JMY: variants seen among roughly 807,000 people sequenced by gnomAD.
JMY encodes junction-mediating and -regulatory protein.
JMY carries 46 observed loss-of-function variants against 103.3 expected under a neutral mutation model. The ratio of observed to expected loss-of-function variants is 0.45; its 90% CI spans 0.35 to 0.57. JMY has a LOEUF of 0.57. Among genes scored for constraint, JMY ranks in the 20% least tolerant of loss-of-function variants. The pLI is 0.00. For synonymous variants in JMY, 526 were observed against 489.3 expected (o/e 1.07, Z -0.99); for missense variants, 1,238 against 1,255.2 (o/e 0.99, Z 0.21).
chr5:79,273,081 A>G (rs751523658), intron 1 of JMY, among the ~76,000 whole-genome samples: 3 of 152,196 alleles, frequency 2.0e-5, no homozygotes, highest in South Asian at 2.1e-4. Flanking sequence ...ACTCCTGTGT[A>G]TTTTATAGAA....
At chr5:79,315,789 C>T (rs1340006959) in intron 9 of JMY, among the ~76,000 whole-genome samples, 1 of 152,168 alleles carries the variant, frequency 6.6e-6, no homozygotes, top group East Asian at 1.9e-4. Context: ...CAACAGTACC[C>T]ACCATGGATT....
chr5:79,257,274 G>A (rs1412172127), intron 1 of JMY, among the ~76,000 whole-genome samples: 1 of 151,916 alleles, frequency 6.6e-6, no homozygotes, highest in Non-Finnish European at 1.5e-5. Flanking sequence ...GCCAGATCAG[G>A]TCCCTTCCCT....
intron 1 of JMY, among the ~76,000 whole-genome samples, chr5:79,243,205 T>G (rs142121948): frequency 3.3e-5 from 5 of 152,294 alleles, no homozygotes; most frequent in African/African-American, 1.2e-4. Context: ...GGAGGAAGTT[T>G]TGTTTAACAG....
At chr5:79,274,396 G>GT (rs1373606877) in intron 1 of JMY, among the ~76,000 whole-genome samples, 11 of 147,322 alleles carry the variant, frequency 7.5e-5, no homozygotes, top group East Asian at 3.9e-4. Context: ...TAAAAATAGT[G>GT]TTTTTTTTTG....
chr5:79,273,190 A>G (rs779686067), intron 1 of JMY, among the ~76,000 whole-genome samples: 23 of 152,102 alleles, frequency 1.5e-4, no homozygotes, highest in Non-Finnish European at 1.8e-4. Context: ...ATTTTCCTTC[A>G]ATCTGAACAC....
chr5:79,283,203 G>A (rs1746173691), intron 2 of JMY, among the ~76,000 whole-genome samples: 1 of 151,852 alleles, frequency 6.6e-6, no homozygotes, highest in South Asian at 2.1e-4. Context: ...ATGTTAGGCT[G>A]GTCTTGAACT....
chr5:79,259,913 C>G (rs1446969363), intron 1 of JMY, among the ~76,000 whole-genome samples: 1 of 152,226 alleles, frequency 6.6e-6, no homozygotes, highest in Non-Finnish European at 1.5e-5. Flanking sequence ...GGGTGGGAAT[C>G]CTGCATGCCC....
Position 79,236,339 on chromosome 5 carries a change from C to T in JMY, c.-312C>T, listed in dbSNP as rs938297832. The T allele has an allele frequency of 4.5e-6, 1 of 224,092 alleles. No homozygotes were observed. The highest frequency in any genetic ancestry group is 1.8e-4 in the South Asian group (1 of 5,588). The allele number at this position is 224,092 out of a possible 1,614,324, so 13.9% of individuals were successfully genotyped here. On this transcript the variant is annotated 5_prime_UTR_variant, in exon 1 of 11. Coordinates refer to ENST00000396137, the MANE Select transcript of JMY (RefSeq NM_152405.5). ...AGCGCCGCAGACGCAGCTCCACGGC[C>T]TCGCGCGGGGGGCGGCGGGCGGCCG...
intron 7 of JMY, among the ~76,000 whole-genome samples, chr5:79,311,792 A>G (rs1747056047): frequency 1.3e-5 from 2 of 152,132 alleles, no homozygotes; most frequent in South Asian, 4.1e-4. Flanking sequence ...ACTGCTGGTT[A>G]TATTGGTTGT....
intron 4 of JMY, among the ~76,000 whole-genome samples, chr5:79,294,242 A>G (rs1412724356): frequency 6.6e-6 from 1 of 151,882 alleles, no homozygotes; most frequent in African/African-American, 2.4e-5. Flanking sequence ...TGTCTCTACT[A>G]AAAATACAAA....
Position 79,315,716 on chromosome 5 carries a change from A to G in JMY, c.2660-284A>G, listed in dbSNP as rs577066667. 9.2e-5 allele frequency among the ~76,000 whole-genome samples: 14 copies of G among 152,330 alleles called. 1 individual carries two copies. Among genetic ancestry groups the G allele is most frequent in the Admixed American group, 4.6e-4 (7 of 15,302 alleles). On this transcript the variant is annotated intron_variant, in intron 9 of 10. Coordinates refer to ENST00000396137, the MANE Select transcript of JMY (RefSeq NM_152405.5). ...CTTTGGGAATCACACCCATAATACT[A>G]CTAAGACCACCTCCCAGTTCCCAAT...
chr5:79,323,154 G>A lies in JMY; in HGVS notation c.*1552G>A. ...TTTTATAGAGACAGGGTTTTGCCAT[G>A]TTGCCCACGCTGGTCTTGAACTCCT... On this transcript the variant is annotated 3_prime_UTR_variant, in exon 11 of 11. Coordinates refer to ENST00000396137, the MANE Select transcript of JMY (RefSeq NM_152405.5). 1 of 152,230 alleles carries A rather than the reference G, an allele frequency of 6.6e-6. No individual in the cohort carries two copies. The highest frequency in any genetic ancestry group is 1.5e-5 in the Non-Finnish European group (1 of 68,044). The allele number at this position is 152,230 out of a possible 1,614,324, so 9.4% of individuals were successfully genotyped here. A position where few individuals can be genotyped will look rare whatever the true frequency, so the allele number is the denominator to read the frequency against.
chr5:79,282,630 G>A (rs890254910), intron 2 of JMY, among the ~76,000 whole-genome samples: 2 of 152,194 alleles, frequency 1.3e-5, no homozygotes, highest in Non-Finnish European at 2.9e-5. Context: ...CTCTGTCAGA[G>A]ATTGGAATAG....
intron 7 of JMY, among the ~76,000 whole-genome samples, chr5:79,306,928 C>T (rs1268480580): frequency 6.6e-6 from 1 of 152,216 alleles, no homozygotes; most frequent in Non-Finnish European, 1.5e-5. Context: ...ATCCCTCTCT[C>T]TCCCCAAGCC....
intron 1 of JMY, among the ~76,000 whole-genome samples, chr5:79,270,771 G>A (rs1336711691): frequency 2.7e-5 from 4 of 148,612 alleles, no homozygotes; most frequent in African/African-American, 4.9e-5. Flanking sequence ...GTTAGCTCAA[G>A]GTTTTTTTTT....
chr5:79,245,509 A>G (rs1305796851), intron 1 of JMY, among the ~76,000 whole-genome samples: 1 of 152,036 alleles, frequency 6.6e-6, no homozygotes, highest in Non-Finnish European at 1.5e-5. Context: ...TAGGCTGTTG[A>G]CTAGCCTTTT....
At position 79,236,596 on chromosome 5, in the gene JMY, T is replaced by A. The variant is rs1744507568; in HGVS notation, c.-55T>A. 7.7e-7 allele frequency: 1 copy of A among 1,290,632 alleles called. No homozygotes were observed. Among genetic ancestry groups the A allele is most frequent in the Non-Finnish European group, 1.0e-6 (1 of 1,003,612 alleles). 79.9% of individuals were successfully genotyped at this position (1,290,632 alleles called of 1,614,324 possible). ...GGGGCGCGGCGCAGCCAGCGGGGAGTCCTCGGGCGGGCCGGGCCGGCGGCC... is the reference window on the plus strand; with the variant it reads ...GGGGCGCGGCGCAGCCAGCGGGGAGACCTCGGGCGGGCCGGGCCGGCGGCC... On this transcript the variant is annotated 5_prime_UTR_variant, in exon 1 of 11. Transcript: ENST00000396137.
chr5:79,292,535 C>T (rs1040974267), intron 4 of JMY, among the ~76,000 whole-genome samples: 3 of 152,024 alleles, frequency 2.0e-5, no homozygotes, highest in African/African-American at 7.2e-5. Context: ...TGCCCAGGCT[C>T]ATCTTGAACT....
At chr5:79,281,262 T>C (rs1225893421) in intron 2 of JMY, among the ~76,000 whole-genome samples, 1 of 151,632 alleles carries the variant, frequency 6.6e-6, no homozygotes, top group East Asian at 1.9e-4. Context: ...GCCAGGATGG[T>C]CTCGATCTCC....
Sources: allele counts gnomAD v4.1 joint callset (sites outside exome capture counted in the v4.1 genomes callset), GRCh38; gene constraint gnomAD v4.1.1; transcripts MANE v1.5; gene names NCBI Gene and HGNC (gene_info 2026-07-23, HGNC 2026-07-21).